Variants in UBE2H observed in about 807,000 individuals in gnomAD.
The protein encoded by UBE2H is ubiquitin-conjugating enzyme E2 H.
A neutral mutation model predicts 29.0 loss-of-function variants in UBE2H; 3 were observed. That is an observed-to-expected ratio of 0.10 (90% confidence interval 0.05 to 0.27). The LOEUF is 0.27. Among genes scored for constraint, UBE2H ranks in the 10% least tolerant of loss-of-function variants. The pLI is 1.00. For missense variants in UBE2H, 68 were observed against 228.2 expected, an observed-to-expected ratio of 0.30 and a Z score of 4.52; for synonymous variants, 69 against 82.9, an observed-to-expected ratio of 0.83 and a Z score of 0.91.
intron 3 of UBE2H, 96 bp from the exon 4 acceptor site, chr7:129,859,037 T>C (rs1805755062): frequency 1.0e-6 from 1 of 961,062 alleles, no homozygotes; most frequent in Non-Finnish European, 1.6e-6. Flanking sequence ...GAAAAGGTGA[T>C]AATACTTATA....
intron 1 of UBE2H, among the ~76,000 whole-genome samples, chr7:129,889,542 T>A (rs1488887592): frequency 1.3e-5 from 2 of 152,324 alleles, no homozygotes; most frequent in Non-Finnish European, 2.9e-5. Flanking sequence ...TTCTGGGATA[T>A]CCTATTTACA....
At chr7:129,930,546 G>A (rs902935560) in intron 1 of UBE2H, among the ~76,000 whole-genome samples, 2 of 152,002 alleles carry the variant, frequency 1.3e-5, no homozygotes, top group African/African-American at 4.8e-5. Context: ...CAAGGCGGGT[G>A]GATCACGAGG....
At position 129,937,245 on chromosome 7, in the gene UBE2H, C is replaced by T. The variant is rs111553582; in HGVS notation, c.53+15258G>A. Among the ~76,000 whole-genome samples the T allele has an allele frequency of 9.8e-3, 1,485 of 152,040 alleles. 22 individuals carry two copies. The highest frequency in any genetic ancestry group is 0.034 in the African/African-American group (1,403 of 41,484). ...TCGGAAGGCTGAGGCAGGAGAATGG[C>T]GTGAACCCAGGAGGCAGAGCTTGCA... is the stretch of plus-strand genomic sequence containing the variant. On this transcript the variant is annotated intron_variant, in intron 1 of 6. Transcript: ENST00000355621.
intron 3 of UBE2H, among the ~76,000 whole-genome samples, chr7:129,873,485 A>C: frequency 7.1e-6 from 1 of 140,998 alleles, no homozygotes; most frequent in Non-Finnish European, 1.5e-5. Context: ...CCCAGGCTGG[A>C]GTGCAGTGAT....
intron 1 of UBE2H, among the ~76,000 whole-genome samples, chr7:129,889,345 C>T (rs1263133767): frequency 5.3e-5 from 8 of 152,206 alleles, no homozygotes. Flanking sequence ...AGAGCCCTCA[C>T]AGGCCTTCAC....
chr7:129,926,402 A>G (rs1022583060), intron 1 of UBE2H, among the ~76,000 whole-genome samples: 1 of 151,786 alleles, frequency 6.6e-6, no homozygotes, highest in Non-Finnish European at 1.5e-5. Context: ...CCAGCTACTC[A>G]GGAGGCTGAG....
chr7:129,851,398 T>C (rs140395520), intron 5 of UBE2H, among the ~76,000 whole-genome samples: 13 of 152,248 alleles, frequency 8.5e-5, no homozygotes, highest in African/African-American at 2.2e-4. Flanking sequence ...GCTAGCTGGA[T>C]AGTCTTGCTG....
chr7:129,914,216 G>A (rs1391387002), intron 1 of UBE2H, among the ~76,000 whole-genome samples: 1 of 151,494 alleles, frequency 6.6e-6, no homozygotes, highest in Non-Finnish European at 1.5e-5. Context: ...TGCCCAGGCT[G>A]GAGTGCAGAG....
intron 1 of UBE2H, among the ~76,000 whole-genome samples, chr7:129,950,068 G>A (rs1807844509): frequency 6.6e-6 from 1 of 152,088 alleles, no homozygotes; most frequent in African/African-American, 2.4e-5. Context: ...CTCAAAAATT[G>A]TTGGCTCCAT....
intron 1 of UBE2H, among the ~76,000 whole-genome samples, chr7:129,895,188 C>G (rs1173167809): frequency 6.6e-6 from 1 of 152,170 alleles, no homozygotes. Context: ...ATCTGACATG[C>G]TGTGCAGAAG....
intron 4 of UBE2H, 49 bp from the exon 5 acceptor site, chr7:129,857,612 T>C (rs1303092173): frequency 2.5e-6 from 4 of 1,586,116 alleles, no homozygotes; most frequent in Non-Finnish European, 3.4e-6. Context: ...AGAAAGTTAG[T>C]TGCATGTATC....
At chr7:129,936,755 G>A (rs1045669836) in intron 1 of UBE2H, among the ~76,000 whole-genome samples, 2 of 147,726 alleles carry the variant, frequency 1.4e-5, no homozygotes, top group African/African-American at 2.5e-5. Flanking sequence ...TCAGGAGTTC[G>A]AGACCAGCCT....
At chr7:129,908,707 TA>T (rs1175456722) in intron 1 of UBE2H, among the ~76,000 whole-genome samples, 1 of 152,174 alleles carries the variant, frequency 6.6e-6, no homozygotes, top group Non-Finnish European at 1.5e-5. Flanking sequence ...TGATAGCAAA[TA>T]ATTGTTTAAA....
intron 1 of UBE2H, among the ~76,000 whole-genome samples, chr7:129,910,175 A>G (rs1023049621): frequency 2.0e-5 from 3 of 152,070 alleles, no homozygotes; most frequent in African/African-American, 7.2e-5. Context: ...CCAAAAATAC[A>G]AAAATTAGCC....
intron 3 of UBE2H, among the ~76,000 whole-genome samples, chr7:129,867,762 T>G (rs1183751157): frequency 1.0e-5 from 1 of 95,386 alleles, no homozygotes; most frequent in African/African-American, 4.0e-5. Flanking sequence ...CCTTTCTTGA[T>G]GTGCAAGCAA....
intron 1 of UBE2H, among the ~76,000 whole-genome samples, chr7:129,950,978 A>G (rs1807863640): frequency 6.6e-6 from 1 of 152,110 alleles, no homozygotes; most frequent in African/African-American, 2.4e-5. Flanking sequence ...CACTCCCCCA[A>G]AAATTCTAAA....
At chr7:129,912,120 C>T (rs984280808) in intron 1 of UBE2H, among the ~76,000 whole-genome samples, 16 of 152,236 alleles carry the variant, frequency 1.1e-4, no homozygotes, top group African/African-American at 3.6e-4. Flanking sequence ...CTAGGGCCCA[C>T]CCCCTGTTTT....
intron 5 of UBE2H, among the ~76,000 whole-genome samples, chr7:129,847,847 C>CAAGCCTCT (rs71527930): frequency 0.048 from 7,308 of 152,252 alleles, 258 homozygotes; most frequent in Middle Eastern, 0.092. Flanking sequence ...TCTCAGGCTC[C>CAAGCCTCT]AAGCCTCTGG....
At chr7:129,925,405 C>T (rs1487550298) in intron 1 of UBE2H, among the ~76,000 whole-genome samples, 1 of 151,320 alleles carries the variant, frequency 6.6e-6, no homozygotes, top group East Asian at 1.9e-4. Context: ...GGAAAAAAAA[C>T]AAGAAAAAAA....
Sources: gnomAD v4.1 joint callset for allele counts (sites outside exome capture counted in the v4.1 genomes callset) on GRCh38, gnomAD v4.1.1 for gene constraint, MANE v1.5 for transcripts, NCBI Gene and HGNC (gene_info 2026-07-23, HGNC 2026-07-21) for gene names.